PCDHGA1: variants seen among roughly 807,000 people sequenced by gnomAD.
The protein encoded by PCDHGA1 is protocadherin gamma-A1.
Under a neutral mutation model 58.0 loss-of-function variants are expected in PCDHGA1, and 32 were observed. That is an observed-to-expected ratio of 0.55 (90% CI 0.42 to 0.74). PCDHGA1 has a LOEUF of 0.74. Among genes scored for constraint, PCDHGA1 ranks in the 30% least tolerant of loss-of-function variants. The pLI is 0.00. For synonymous variants in PCDHGA1, 498 were observed against 501.1 expected, an observed-to-expected ratio of 0.99 and a Z score of 0.08; for missense variants, 1,205 against 1,182.3, an observed-to-expected ratio of 1.02 and a Z score of -0.28.
chr5:141,462,070 G>C lies in PCDHGA1; in HGVS notation c.2422-32737G>C, dbSNP rs572217894. Among the ~76,000 whole-genome samples, 18 of 152,196 alleles carry C rather than the reference G, an allele frequency of 1.2e-4. No individual in the cohort carries two copies. In the South Asian group the frequency reaches 3.7e-3, roughly 32 times the overall value. On this transcript the variant is annotated intron_variant, in intron 1 of 3. Coordinates refer to ENST00000517417, the MANE Select transcript of PCDHGA1 (RefSeq NM_018912.3). ...ACTCCCGACCTCAGGTGATCTGCCC[G>C]CCTTGGCCTCCCAAAATGCTGGGAT...
Position 141,491,103 on chromosome 5 carries a change from G to T in PCDHGA1, c.2422-3704G>T, listed in dbSNP as rs1190609518. The T allele has an allele frequency of 6.2e-7, 1 of 1,614,162 alleles. No individual in the cohort carries two copies. ...CCACAGCCCCAGGACTGTTCCTCGT[G>T]TCTACACACACTGGTGAGGTGCGCA... On this transcript the variant is annotated intron_variant, in intron 1 of 3. Coordinates refer to ENST00000517417, the MANE Select transcript of PCDHGA1 (RefSeq NM_018912.3). The surrounding 1 kb of genome is among the most constrained non-coding windows in gnomAD (Gnocchi z 6.9).
chr5:141,395,646 C>T (rs1174950813), intron 1 of PCDHGA1: 2 of 167,832 alleles, frequency 1.2e-5, no homozygotes, highest in Non-Finnish European at 2.5e-5. Flanking sequence ...TTGTTATTAG[C>T]TTAGCAAAAG....
chr5:141,371,456 A>T (rs755481962), intron 1 of PCDHGA1: 2 of 1,613,902 alleles, frequency 1.2e-6, no homozygotes, highest in African/African-American at 2.7e-5. Flanking sequence ...CTGAATCCCA[A>T]CATATACAAG....
At chr5:141,348,531 A>T (rs923407083) in intron 1 of PCDHGA1, among the ~76,000 whole-genome samples, 1 of 152,256 alleles carries the variant, frequency 6.6e-6, no homozygotes, top group Non-Finnish European at 1.5e-5. Flanking sequence ...TGGATGCTCA[A>T]AGATAATTTC....
chr5:141,460,726 A>G lies in PCDHGA1; in HGVS notation c.2422-34081A>G, dbSNP rs545089217. ...GAGAATAAACTATTGTTATAAGCAT[A>G]TATACACATTGTATATATATGTGTA... On this transcript the variant is annotated intron_variant, in intron 1 of 3. Coordinates refer to ENST00000517417, the MANE Select transcript of PCDHGA1 (RefSeq NM_018912.3). Among the ~76,000 whole-genome samples the G allele has an allele frequency of 6.6e-5, 10 of 152,252 alleles. No homozygotes were observed. In the East Asian group the frequency reaches 1.9e-3, roughly 29 times the overall value.
At chr5:141,378,906 G>A (rs561615275) in intron 1 of PCDHGA1, 2 of 152,278 alleles carry the variant, frequency 1.3e-5, no homozygotes, top group African/African-American at 2.4e-5. Context: ...TTCTGTTATC[G>A]ACAGTCTTCA....
At chr5:141,478,639 A>G (rs377308663) in intron 1 of PCDHGA1, 168 of 1,552,322 alleles carry the variant, frequency 1.1e-4, no homozygotes, top group Non-Finnish European at 1.0e-4. Context: ...TTAGTGATGA[A>G]GATGTTTTCC....
rs199877605 is a variant in PCDHGA1 at position 141,421,311 on chromosome 5, G to A, written c.2422-73496G>A. The A allele has an allele frequency of 9.5e-5, 154 of 1,613,788 alleles. No individual in the cohort carries two copies. The African/African-American group carries it at 1.9e-3, about 20-fold the overall frequency. On this transcript the variant is annotated intron_variant, in intron 1 of 3. Coordinates refer to ENST00000517417, the MANE Select transcript of PCDHGA1 (RefSeq NM_018912.3). ...TCCTGGGGACGCTGCGGGGGTTCCG[G>A]GCCAGGCAGATCCGATATTCGGTGC... is the stretch of plus-strand genomic sequence containing the variant.
chr5:141,345,433 G>T (rs1297529679), intron 1 of PCDHGA1: 1 of 1,613,934 alleles, frequency 6.2e-7, no homozygotes, highest in African/African-American at 1.3e-5. Flanking sequence ...AACAACCCCA[G>T]AGGAGCCTCC....
rs201968743 is a variant in PCDHGA1, at chr5:141,490,095, A to G, written c.2422-4712A>G. On this transcript the variant is annotated intron_variant, in intron 1 of 3. Coordinates refer to ENST00000517417, the MANE Select transcript of PCDHGA1 (RefSeq NM_018912.3). The surrounding 1 kb of genome is among the most constrained non-coding windows in gnomAD (Gnocchi z 5.4). ...TAGACTATTCTTTTGGAGACCACAC[A>G]TCTGAGGCAGTGCGGAACCTCTTTG... 2.4e-4 allele frequency: 394 copies of G among 1,614,156 alleles called. No individual in the cohort carries two copies. The highest frequency in any genetic ancestry group is 3.1e-4 in the Non-Finnish European group (363 of 1,180,054).
At chr5:141,375,315 A>T (rs372335399) in intron 1 of PCDHGA1, 6 of 1,613,674 alleles carry the variant, frequency 3.7e-6, no homozygotes, top group Non-Finnish European at 5.1e-6. Flanking sequence ...GCAGCTCTAG[A>T]CCGGGAAGAG....
At chr5:141,373,886 A>G in intron 1 of PCDHGA1, 1 of 500,972 alleles carries the variant, frequency 2.0e-6, no homozygotes, top group Non-Finnish European at 3.4e-6. Context: ...AATCAACGGA[A>G]ACTCAAGTTA....
At chr5:141,339,645 C>T (rs763540740) in intron 1 of PCDHGA1, 1 of 1,614,220 alleles carries the variant, frequency 6.2e-7, no homozygotes, top group Non-Finnish European at 8.5e-7. Context: ...CTATCTGGCA[C>T]CTCCCGCATC....
intron 1 of PCDHGA1, chr5:141,360,157 T>G (rs185682995): frequency 6.2e-7 from 1 of 1,603,294 alleles, no homozygotes; most frequent in African/African-American, 1.3e-5. Context: ...CTCAGGGAGG[T>G]GCGGGCTGGT....
intron 1 of PCDHGA1, chr5:141,426,519 C>T: frequency 8.8e-6 from 3 of 341,848 alleles, no homozygotes; most frequent in South Asian, 6.9e-5. Flanking sequence ...TTACCGTGAA[C>T]ACGGAGAATG....
chr5:141,430,560 G>T (rs1184226832), intron 1 of PCDHGA1: 1 of 420,160 alleles, frequency 2.4e-6, no homozygotes, highest in Non-Finnish European at 4.1e-6. Context: ...ACCAATCGGG[G>T]AGAGAAAAGC....
chr5:141,405,677 C>T (rs1204978047), intron 1 of PCDHGA1, among the ~76,000 whole-genome samples: 3 of 152,088 alleles, frequency 2.0e-5, no homozygotes, highest in African/African-American at 7.2e-5. Context: ...GGGGTGTCAC[C>T]ATGTTGGCCA....
At chr5:141,423,203 T>A (rs2096720538) in intron 1 of PCDHGA1, 1 of 1,613,508 alleles carries the variant, frequency 6.2e-7, no homozygotes, top group African/African-American at 1.3e-5. Context: ...TCGGCCACCG[T>A]CACGCTCACC....
At position 141,489,384 on chromosome 5, in the gene PCDHGA1, T is replaced by G; in HGVS notation, c.2422-5423T>G. The G allele has an allele frequency of 6.2e-7, 1 of 1,613,986 alleles. No individual in the cohort carries two copies. The highest frequency in any genetic ancestry group is 1.3e-5 in the African/African-American group (1 of 75,042). On this transcript the variant is annotated intron_variant, in intron 1 of 3. Transcript: ENST00000517417. This position sits in a 1 kb window ranked among gnomAD's most constrained non-coding sequence, Gnocchi z 4.5. ...AGCCGGGGACGCTGGTGGGGAATGT[T>G]GCTCAGGATCTGGGCTTAAAGATGA...
Sources: gnomAD v4.1 joint callset for allele counts (sites outside exome capture counted in the v4.1 genomes callset) on GRCh38, gnomAD v4.1.1 for gene constraint, Gnocchi (gnomAD v3.1) non-coding constraint, MANE v1.5 for transcripts, NCBI Gene and HGNC (gene_info 2026-07-23, HGNC 2026-07-21) for gene names.